NKAIN3: variants seen among roughly 807,000 people sequenced by gnomAD.
The protein encoded by NKAIN3 is sodium/potassium transporting ATPase interacting 3, also known as sodium/potassium-transporting ATPase subunit beta-1-interacting protein 3.
Under a neutral mutation model 30.2 loss-of-function variants are expected in NKAIN3, and 25 were observed. The ratio of observed to expected loss-of-function variants is 0.83; its 90% CI spans 0.60 to 1.16. The LOEUF is 1.16. Among genes scored for constraint, NKAIN3 ranks in the 50% most tolerant of loss-of-function variants. NKAIN3 has a pLI of 0.00. For synonymous variants in NKAIN3, 91 were observed against 89.6 expected (o/e 1.02, Z -0.09); for missense variants, 225 against 254.1 (o/e 0.89, Z 0.78).
intron 1 of NKAIN3, among the ~76,000 whole-genome samples, chr8:62,529,145 C>T (rs11787517): frequency 0.38 from 57,766 of 151,956 alleles, 12,387 homozygotes; most frequent in Non-Finnish European, 0.49. Context: ...GTAATCCTGT[C>T]CTCTTCCCAT....
intron 1 of NKAIN3, among the ~76,000 whole-genome samples, chr8:62,569,378 A>T (rs1043854604): frequency 3.3e-5 from 5 of 152,182 alleles, no homozygotes; most frequent in South Asian, 2.1e-4. Flanking sequence ...GGCTTCATCA[A>T]CCTCAAGCAT....
chr8:62,748,075 T>C (rs1302002692), intron 4 of NKAIN3, among the ~76,000 whole-genome samples: 3 of 152,222 alleles, frequency 2.0e-5, no homozygotes, highest in Non-Finnish European at 4.4e-5. Flanking sequence ...CACTCCAAAA[T>C]GCAATTGCTT....
At chr8:62,915,789 A>C in intron 4 of NKAIN3, among the ~76,000 whole-genome samples, 1 of 152,220 alleles carries the variant, frequency 6.6e-6, no homozygotes. Flanking sequence ...ATCACAGGCC[A>C]ACATAAAGAA....
intron 4 of NKAIN3, among the ~76,000 whole-genome samples, chr8:62,906,771 C>A (rs901518535): frequency 2.0e-5 from 3 of 152,194 alleles, no homozygotes; most frequent in African/African-American, 7.2e-5. Context: ...GAGGCCTCCC[C>A]AGCCATGTGC....
intron 1 of NKAIN3, among the ~76,000 whole-genome samples, chr8:62,535,480 T>C (rs980575794): frequency 6.6e-6 from 1 of 152,134 alleles, no homozygotes; most frequent in African/African-American, 2.4e-5. Flanking sequence ...CAGTCCCAAG[T>C]TTGAGCCTCC....
In NKAIN3 at chr8:62,807,944, G is replaced by C. The variant is rs930015493; in HGVS notation, c.471+60815G>C. Among the ~76,000 whole-genome samples the C allele has an allele frequency of 5.3e-5, 8 of 151,714 alleles. No individual in the cohort carries two copies. The South Asian group carries it at 8.3e-4, about 16-fold the overall frequency. Reference sequence around the variant, plus strand: ...ATGTTTTAGAATGAATACTGGAATAGTTATTAATAAAAAAAGAAAATTATT... The same window carrying C: ...ATGTTTTAGAATGAATACTGGAATACTTATTAATAAAAAAAGAAAATTATT... On this transcript the variant is annotated intron_variant, in intron 4 of 6. Transcript: ENST00000623646.
chr8:62,856,343 T>C (rs1212076842), intron 4 of NKAIN3: 2 of 908,862 alleles, frequency 2.2e-6, no homozygotes, highest in East Asian at 4.8e-5. Context: ...ACCTGCTTAG[T>C]GCTTGCTTCC....
At chr8:62,339,577 G>A (rs1815674149) in intron 1 of NKAIN3, among the ~76,000 whole-genome samples, 1 of 151,960 alleles carries the variant, frequency 6.6e-6, no homozygotes, top group South Asian at 2.1e-4. Flanking sequence ...AAATTAAAAA[G>A]GCAAGGGTTC....
intron 1 of NKAIN3, among the ~76,000 whole-genome samples, chr8:62,426,564 T>C (rs943177720): frequency 6.6e-6 from 1 of 151,990 alleles, no homozygotes; most frequent in Non-Finnish European, 1.5e-5. Context: ...TTCCTTGCAG[T>C]GCAGAATTTC....
intron 5 of NKAIN3, among the ~76,000 whole-genome samples, chr8:62,938,387 C>A (rs542489859): frequency 1.3e-5 from 2 of 152,240 alleles, no homozygotes; most frequent in African/African-American, 4.8e-5. Context: ...TCCTGGCTAA[C>A]CAGAGGTCCT....
chr8:62,646,396 C>T (rs1812461306), intron 3 of NKAIN3, among the ~76,000 whole-genome samples: 1 of 152,098 alleles, frequency 6.6e-6, no homozygotes, highest in South Asian at 2.1e-4. Context: ...GGAGCCTTTT[C>T]ATTTACTCAC....
In NKAIN3 at chr8:62,918,443, C is replaced by T. The variant is rs767379004; in HGVS notation, c.472-10C>T. ...AGATTCTTAAGGTACACATTTTTTCCCTTTTGCAGTTGGTGGGTTTTGTGT... is the reference window on the plus strand; with the variant it reads ...AGATTCTTAAGGTACACATTTTTTCTCTTTTGCAGTTGGTGGGTTTTGTGT... On this transcript the variant is annotated splice_polypyrimidine_tract_variant and intron_variant, in intron 4 of 6. Transcript: ENST00000623646. 2.5e-6 allele frequency: 4 copies of T among 1,607,326 alleles called. No homozygotes were observed. Among genetic ancestry groups the T allele is most frequent in the Non-Finnish European group, 3.4e-6 (4 of 1,174,562 alleles).
At chr8:62,907,827 C>T (rs938078790) in intron 4 of NKAIN3, among the ~76,000 whole-genome samples, 3 of 152,220 alleles carry the variant, frequency 2.0e-5, no homozygotes, top group African/African-American at 7.2e-5. Flanking sequence ...GAGCACAGCC[C>T]TCAAGGAGAA....
intron 4 of NKAIN3, among the ~76,000 whole-genome samples, chr8:62,857,677 C>T (rs575675841): frequency 3.9e-5 from 6 of 152,150 alleles, no homozygotes; most frequent in Admixed American, 3.9e-4. Context: ...AGTTCTTATA[C>T]TGTGTTTTTC....
intron 1 of NKAIN3, among the ~76,000 whole-genome samples, chr8:62,416,035 C>T (rs1274287483): frequency 1.3e-5 from 2 of 152,078 alleles, no homozygotes; most frequent in African/African-American, 2.4e-5. Flanking sequence ...GGATTACAGG[C>T]GTGAGCCACC....
intron 5 of NKAIN3, among the ~76,000 whole-genome samples, chr8:62,936,178 G>A (rs993797321): frequency 2.0e-5 from 3 of 152,108 alleles, no homozygotes; most frequent in Admixed American, 6.5e-5. Flanking sequence ...GGCCATCTTC[G>A]TGATTTCGCA....
intron 4 of NKAIN3, among the ~76,000 whole-genome samples, chr8:62,849,049 C>T (rs1472137863): frequency 1.3e-5 from 2 of 152,112 alleles, no homozygotes; most frequent in African/African-American, 4.8e-5. Context: ...TGATGTGCTA[C>T]TGGATTCAGT....
At chr8:62,863,906 T>C in intron 4 of NKAIN3, 1 of 1,308,578 alleles carries the variant, frequency 7.6e-7, no homozygotes, top group Non-Finnish European at 1.1e-6. Context: ...TGATCCAGGA[T>C]CTCCTCCTTT....
chr8:62,545,879 A>G (rs187027652), intron 1 of NKAIN3, among the ~76,000 whole-genome samples: 7 of 152,340 alleles, frequency 4.6e-5, no homozygotes, highest in Admixed American at 3.9e-4. Context: ...GGAAGGTCCA[A>G]TTGCTTTCCA....
Sources: allele counts gnomAD v4.1 joint callset (sites outside exome capture counted in the v4.1 genomes callset), GRCh38; gene constraint gnomAD v4.1.1; transcripts MANE v1.5; gene names NCBI Gene and HGNC (gene_info 2026-07-23, HGNC 2026-07-21).